MCPH1: variants seen among roughly 807,000 people sequenced by gnomAD.
MCPH1 encodes microcephalin.
In MCPH1, 104 loss-of-function variants were observed where a neutral mutation model predicts 84.5. The ratio of observed to expected loss-of-function variants is 1.23; its 90% CI spans 1.05 to 1.45. The LOEUF is 1.45. Ranked by LOEUF, MCPH1 falls within the 40% of genes most tolerant of loss-of-function variation. The probability of loss-of-function intolerance (pLI) is 0.00; values close to 1 mark genes in which losing one functional copy is unlikely to be tolerated. For synonymous variants in MCPH1, 514 were observed against 366.8 expected, an observed-to-expected ratio of 1.40 and a Z score of -4.58; for missense variants, 1,498 against 1,005.7, an observed-to-expected ratio of 1.49 and a Z score of -6.62.
At position 6,598,790 on chromosome 8, in the gene MCPH1, C is replaced by T. The variant is rs187490999; in HGVS notation, c.2215-22664C>T. On this transcript the variant is annotated intron_variant, in intron 12 of 13. Transcript: ENST00000344683. ...AGCCCCCTGCCACCCGAAAGGCGCC[C>T]TAACACTTCAGAGAGCGGATGGCTG... Among the ~76,000 whole-genome samples the T allele has an allele frequency of 6.1e-4, 93 of 152,342 alleles. No homozygotes were observed. In the Middle Eastern group the frequency reaches 0.02, roughly 33 times the overall value.
chr8:6,468,181 C>T (rs181765279), intron 9 of MCPH1, among the ~76,000 whole-genome samples: 96 of 152,300 alleles, frequency 6.3e-4, no homozygotes, highest in African/African-American at 2.2e-3. Flanking sequence ...CCTGCCTGCA[C>T]CTCACGGTCT....
intron 12 of MCPH1, chr8:6,502,920 A>C (rs1812475994): frequency 1.7e-5 from 11 of 655,288 alleles, no homozygotes; most frequent in Non-Finnish European, 2.8e-5. Context: ...TGGTCCGTTA[A>C]GTGATGCAAG....
At chr8:6,446,571 T>G (rs1334714965) in intron 8 of MCPH1, 1 of 982,468 alleles carries the variant, frequency 1.0e-6, no homozygotes, top group Non-Finnish European at 1.2e-6. Context: ...AACTGTATTT[T>G]ATGTTCCATT....
intron 6 of MCPH1, among the ~76,000 whole-genome samples, chr8:6,440,104 C>T (rs1306577253): frequency 2.0e-5 from 3 of 152,038 alleles, no homozygotes; most frequent in Non-Finnish European, 2.9e-5. Context: ...TTGTTGTAGA[C>T]CTATTTTTGT....
rs752969100 is a variant in MCPH1, at chr8:6,444,723, C to G, written c.1001C>G (p.Pro334Arg). The G allele has an allele frequency of 1.9e-6, 3 of 1,613,940 alleles. No individual in the cohort carries two copies. ...TTTGAAGAGAAGTATCGTTTGTCTC[C>G]TACCTTATCTTCAACAAAAGGCCAC... ...ETFEEKYRLS[P>R]TLSSTKGHLL... The change falls in exon 8 of 14, where the codon CCT becomes CGT. Residue 334 changes from proline (P) to arginine (R), a missense_variant. Transcript: ENST00000344683.
rs147648089 is a variant in MCPH1 at position 6,432,440 on chromosome 8, A to C, written c.321+854A>C. ...ATAGATCTGGAACTTGCAGATACAG[A>C]GGGCAAACTGTAGAGTTAAAGACAT... is the stretch of plus-strand genomic sequence containing the variant. On this transcript the variant is annotated intron_variant, in intron 4 of 13. Coordinates refer to ENST00000344683, the MANE Select transcript of MCPH1 (RefSeq NM_024596.5). Among the ~76,000 whole-genome samples the C allele has an allele frequency of 1.2e-3, 180 of 152,352 alleles. 3 individuals are homozygous for C. The East Asian group carries it at 0.03, about 25-fold the overall frequency.
chr8:6,446,788 G>A, intron 8 of MCPH1: 2 of 984,364 alleles, frequency 2.0e-6, no homozygotes, highest in East Asian at 1.1e-4. Flanking sequence ...GAAAAAGCTG[G>A]TAGCAAACAG....
In MCPH1 at chr8:6,647,536, TAAAC is replaced by T. The variant is rs1481826166; in HGVS notation, c.*4491_*4494del. On this transcript the variant is annotated 3_prime_UTR_variant, in exon 14 of 14. Transcript: ENST00000344683. Reference sequence around the variant, plus strand: ...ATTAGCCCATCAACTGAAAAGTAGATAAACAAAATGTATATCCACACCATGGAAC... The same window carrying T: ...ATTAGCCCATCAACTGAAAAGTAGATAAAATGTATATCCACACCATGGAAC... 3 of 152,258 alleles carry T rather than the reference TAAAC, an allele frequency of 2.0e-5. No homozygotes were observed. The highest frequency in any genetic ancestry group is 7.2e-5 in the African/African-American group (3 of 41,538). 9.4% of individuals were successfully genotyped at this position (152,258 alleles called of 1,614,324 possible).
At chr8:6,580,408 G>A (rs1827466299) in intron 12 of MCPH1, among the ~76,000 whole-genome samples, 1 of 152,214 alleles carries the variant, frequency 6.6e-6, no homozygotes, top group Admixed American at 6.5e-5. Context: ...TGTAATCCCA[G>A]CACTTTGGGA....
intron 3 of MCPH1, among the ~76,000 whole-genome samples, chr8:6,430,635 A>G (rs1335476116): frequency 6.6e-6 from 1 of 152,180 alleles, no homozygotes; most frequent in East Asian, 1.9e-4. Context: ...TATTTTTTCA[A>G]ATAACTGTTC....
At chr8:6,424,849 C>T (rs569278349) in intron 3 of MCPH1, among the ~76,000 whole-genome samples, 66 of 152,346 alleles carry the variant, frequency 4.3e-4, no homozygotes, top group Admixed American at 1.2e-3. Context: ...CCTTGTGTGT[C>T]AGGGACACAC....
intron 12 of MCPH1, among the ~76,000 whole-genome samples, chr8:6,534,705 T>G (rs1000888737): frequency 1.3e-5 from 2 of 152,220 alleles, no homozygotes; most frequent in Non-Finnish European, 2.9e-5. Context: ...CCATCTCTAT[T>G]ATAGGCTTCA....
intron 11 of MCPH1, among the ~76,000 whole-genome samples, chr8:6,491,639 C>T (rs1168740126): frequency 1.3e-5 from 2 of 152,048 alleles, no homozygotes; most frequent in African/African-American, 2.4e-5. Flanking sequence ...CCCGACCCCA[C>T]AACAGGCCCT....
chr8:6,530,697 C>T (rs911488595), intron 12 of MCPH1, among the ~76,000 whole-genome samples: 1 of 152,052 alleles, frequency 6.6e-6, no homozygotes, highest in Non-Finnish European at 1.5e-5. Context: ...TTTTCTTGAA[C>T]TGTTGTGATA....
rs573365567 is a variant in MCPH1, at chr8:6,474,481, C to G, written c.1936-3113C>G. ...GCTGTCTCCAAAAAAAAAATTGCAC[C>G]ACTGCACTCCAGCTAGGGCAACAGA... On this transcript the variant is annotated intron_variant, in intron 9 of 13. Coordinates refer to ENST00000344683, the MANE Select transcript of MCPH1 (RefSeq NM_024596.5). Among the ~76,000 whole-genome samples, 63 of 152,158 alleles carry G rather than the reference C, an allele frequency of 4.1e-4. No homozygotes were observed. The South Asian group carries it at 0.012, about 30-fold the overall frequency.
chr8:6,604,289 C>T (rs1258453357), intron 12 of MCPH1, among the ~76,000 whole-genome samples: 1 of 152,222 alleles, frequency 6.6e-6, no homozygotes, highest in African/African-American at 2.4e-5. Flanking sequence ...CAATGTGCTT[C>T]ACCCACTGCC....
At position 6,445,070 on chromosome 8, in the gene MCPH1, A is replaced by G. The variant is rs1478862342; in HGVS notation, c.1348A>G (p.Lys450Glu). 1.2e-6 allele frequency: 2 copies of G among 1,614,274 alleles called. No individual in the cohort carries two copies. Among genetic ancestry groups the G allele is most frequent in the Non-Finnish European group, 1.7e-6 (2 of 1,180,048 alleles). The change falls in exon 8 of 14, where the codon AAG (lysine) becomes GAG (glutamate). Residue 450 changes from lysine to glutamate, a missense_variant. Coordinates refer to ENST00000344683, the MANE Select transcript of MCPH1 (RefSeq NM_024596.5). ...AQLSCRSLSK[K>E]ERTSIFEMSD... Reference sequence around the variant, plus strand: ...GTTGAGCTGCAGAAGTCTTTCTAAGAAGGAGAGAACAAGCATATTTGAAAT... The same window carrying G: ...GTTGAGCTGCAGAAGTCTTTCTAAGGAGGAGAGAACAAGCATATTTGAAAT...
chr8:6,581,634 G>A (rs546948543), intron 12 of MCPH1, among the ~76,000 whole-genome samples: 1 of 152,160 alleles, frequency 6.6e-6, no homozygotes, highest in Non-Finnish European at 1.5e-5. Flanking sequence ...GACTGTGTGT[G>A]GCTAAATCTT....
chr8:6,441,796 G>C (rs1212207221), intron 6 of MCPH1, among the ~76,000 whole-genome samples: 1 of 152,220 alleles, frequency 6.6e-6, no homozygotes, highest in African/African-American at 2.4e-5. Flanking sequence ...TTGGGAAGCA[G>C]TGCTCTAGTT....
Sources: gnomAD v4.1 joint callset for allele counts (sites outside exome capture counted in the v4.1 genomes callset) on GRCh38, gnomAD v4.1.1 for gene constraint, MANE v1.5 for transcripts, NCBI Gene and HGNC (gene_info 2026-07-23, HGNC 2026-07-21) for gene names.